PLCH1: variants seen among roughly 807,000 people sequenced by gnomAD.
The protein encoded by PLCH1 is 1-phosphatidylinositol 4,5-bisphosphate phosphodiesterase eta-1.
Under a neutral mutation model 126.7 loss-of-function variants are expected in PLCH1, and 60 were observed. The observed-to-expected ratio is 0.47, with a 90% CI of 0.38 to 0.59. The LOEUF is 0.59. Ranked by LOEUF, PLCH1 falls within the 20% of genes least tolerant of loss-of-function variation. The pLI, the probability that PLCH1 is intolerant of heterozygous loss-of-function variation, is 0.00. For missense variants in PLCH1, 1,723 were observed against 2,040.0 expected (o/e 0.84, Z 2.99); for synonymous variants, 719 against 734.9 (o/e 0.98, Z 0.35).
chr3:155,719,830 C>G (rs1255147608), intron 1 of PLCH1, among the ~76,000 whole-genome samples: 4 of 151,552 alleles, frequency 2.6e-5, no homozygotes, highest in Non-Finnish European at 5.9e-5. Context: ...TCCAGACAGA[C>G]TCTCACTCTG....
chr3:155,649,932 A>T (rs1427759704), intron 2 of PLCH1, among the ~76,000 whole-genome samples: 1 of 151,924 alleles, frequency 6.6e-6, no homozygotes, highest in Non-Finnish European at 1.5e-5. Flanking sequence ...GAGCCGAGAT[A>T]GCGCCACTGC....
intron 2 of PLCH1, among the ~76,000 whole-genome samples, chr3:155,670,256 A>C (rs1165387379): frequency 6.6e-6 from 1 of 152,164 alleles, no homozygotes; most frequent in Non-Finnish European, 1.5e-5. Flanking sequence ...CTTTTATTTC[A>C]TTTCTTCTTT....
intron 2 of PLCH1, among the ~76,000 whole-genome samples, chr3:155,598,646 G>T (rs947399112): frequency 3.9e-5 from 6 of 152,206 alleles, no homozygotes; most frequent in African/African-American, 1.4e-4. Context: ...GAAGAATACA[G>T]TCTGTTTCCA....
At chr3:155,612,180 T>A (rs1460426798) in intron 2 of PLCH1, among the ~76,000 whole-genome samples, 1 of 151,904 alleles carries the variant, frequency 6.6e-6, no homozygotes, top group Admixed American at 6.6e-5. Context: ...ATAAAATAAA[T>A]TAGCCAGGCA....
At chr3:155,529,389 GT>G (rs35587000) in intron 10 of PLCH1, among the ~76,000 whole-genome samples, 121,155 of 149,372 alleles carry the variant, frequency 0.81, 50,753 homozygotes, top group Middle Eastern at 0.95. Flanking sequence ...ATTACTATTT[GT>G]TTTTTTTTTT....
intron 19 of PLCH1, among the ~76,000 whole-genome samples, chr3:155,489,805 G>A (rs1225954101): frequency 6.6e-6 from 1 of 152,158 alleles, no homozygotes; most frequent in Non-Finnish European, 1.5e-5. Flanking sequence ...GAAAATAAGT[G>A]TTTAAAAATG....
Position 155,631,536 on chromosome 3 carries a change from T to A in PLCH1, c.80-35158A>T, listed in dbSNP as rs565311226. On this transcript the variant is annotated intron_variant, in intron 2 of 22. Transcript: ENST00000460012. ...CGAACTGTTATCCTGTAAGGCTGCTTCCCTGAAGGATTGTTCACAGAGGAA... is the reference window on the plus strand; with the variant it reads ...CGAACTGTTATCCTGTAAGGCTGCTACCCTGAAGGATTGTTCACAGAGGAA... Among the ~76,000 whole-genome samples, 3 of 152,316 alleles carry A rather than the reference T, an allele frequency of 2.0e-5. No individual in the cohort carries two copies. In the South Asian group the frequency reaches 6.2e-4, roughly 32 times the overall value.
intron 2 of PLCH1, among the ~76,000 whole-genome samples, chr3:155,638,443 T>C (rs1738992459): frequency 1.3e-5 from 2 of 152,202 alleles, no homozygotes; most frequent in Non-Finnish European, 2.9e-5. Flanking sequence ...CGAAATTTGG[T>C]TTGCTTTCTT....
At chr3:155,740,388 TAG>T (rs1188521742) in intron 1 of PLCH1, among the ~76,000 whole-genome samples, 3 of 129,068 alleles carry the variant, frequency 2.3e-5, no homozygotes, top group Non-Finnish European at 4.7e-5. Context: ...GCCTGGGTGA[TAG>T]AGAGAGACTC....
intron 8 of PLCH1, 136 bp downstream of exon 8, chr3:155,564,779 T>C (rs971531654): frequency 1.0e-5 from 6 of 597,816 alleles, no homozygotes; most frequent in Non-Finnish European, 1.8e-5. Context: ...TAAGATTGAC[T>C]TTACAATGAG....
chr3:155,537,223 A>AAAAAAAAAAAAAAAAAAAAAAAC (rs1723543591), intron 10 of PLCH1, among the ~76,000 whole-genome samples: 1 of 10,782 alleles, frequency 9.3e-5, no homozygotes, highest in Non-Finnish European at 9.9e-4. Context: ...AAAAAAAAAA[A>AAAAAAAAAAAAAAAAAAAAAAAC]AAAAAAAAAA....
intron 17 of PLCH1, among the ~76,000 whole-genome samples, chr3:155,493,532 C>A (rs574750535): frequency 2.0e-5 from 3 of 152,240 alleles, no homozygotes; most frequent in Non-Finnish European, 2.9e-5. Flanking sequence ...GGACTACAGG[C>A]ACGCACCACT....
intron 6 of PLCH1, among the ~76,000 whole-genome samples, chr3:155,582,153 C>G (rs562935744): frequency 2.9e-5 from 4 of 136,698 alleles, no homozygotes; most frequent in African/African-American, 1.1e-4. Flanking sequence ...TCAATCTCAG[C>G]TCACTACAAC....
chr3:155,542,032 C>A (rs188310411), intron 10 of PLCH1, among the ~76,000 whole-genome samples: 1 of 152,096 alleles, frequency 6.6e-6, no homozygotes, highest in Admixed American at 6.6e-5. Flanking sequence ...AGACAGTGGG[C>A]GCAGGACAGT....
chr3:155,571,767 C>G (rs1268805736), intron 6 of PLCH1, among the ~76,000 whole-genome samples: 1 of 152,166 alleles, frequency 6.6e-6, no homozygotes, highest in Non-Finnish European at 1.5e-5. Context: ...TGACTTCTTA[C>G]TGTGTTAGAT....
At chr3:155,636,572 C>G (rs1429192857) in intron 2 of PLCH1, among the ~76,000 whole-genome samples, 1 of 151,810 alleles carries the variant, frequency 6.6e-6, no homozygotes, top group Non-Finnish European at 1.5e-5. Flanking sequence ...CATGGAGAAA[C>G]CCCGTTTCTA....
intron 2 of PLCH1, among the ~76,000 whole-genome samples, chr3:155,632,291 A>C (rs1197156749): frequency 6.6e-6 from 1 of 152,150 alleles, no homozygotes; most frequent in Non-Finnish European, 1.5e-5. Context: ...ACTTTCACAC[A>C]CGCTACTCCC....
At chr3:155,673,100 C>G (rs1243069811) in intron 2 of PLCH1, among the ~76,000 whole-genome samples, 1 of 118,412 alleles carries the variant, frequency 8.4e-6, no homozygotes, top group African/African-American at 3.5e-5. Context: ...ATTTCTTAAC[C>G]TGGATTACCA....
chr3:155,713,593 C>G (rs570212460), intron 1 of PLCH1, among the ~76,000 whole-genome samples: 7 of 152,278 alleles, frequency 4.6e-5, no homozygotes, highest in African/African-American at 1.7e-4. Flanking sequence ...AATGCACACG[C>G]CTGCCTCCTT....
Sources: gnomAD v4.1 joint callset for allele counts (sites outside exome capture counted in the v4.1 genomes callset) on GRCh38, gnomAD v4.1.1 for gene constraint, MANE v1.5 for transcripts, NCBI Gene and HGNC (gene_info 2026-07-23, HGNC 2026-07-21) for gene names.